The following GLI3 variants were observed in gnomAD, a reference collection of about 807,000 sequenced individuals.
GLI3 encodes transcription activator GLI3.
In GLI3, 20 loss-of-function variants were observed where a neutral mutation model predicts 100.8. The observed-to-expected ratio is 0.20, with a 90% CI of 0.14 to 0.29. GLI3 has a LOEUF of 0.29. GLI3 is among the 10% of genes least tolerant of loss of function. The pLI is 1.00. For missense variants in GLI3, 2,040 were observed against 2,128.5 expected (o/e 0.96, Z 0.82); for synonymous variants, 938 against 860.5 (o/e 1.09, Z -1.58).
At chr7:42,218,691 T>C (rs1426129922) in intron 2 of GLI3, among the ~76,000 whole-genome samples, 1 of 152,180 alleles carries the variant, frequency 6.6e-6, no homozygotes, top group Non-Finnish European at 1.5e-5. Flanking sequence ...GGAACTTCCT[T>C]TGCATCATTA....
At chr7:41,967,122 G>C (rs1787207285) in intron 14 of GLI3, among the ~76,000 whole-genome samples, 1 of 152,184 alleles carries the variant, frequency 6.6e-6, no homozygotes, top group Non-Finnish European at 1.5e-5. Context: ...CACCTGTGTT[G>C]GTGCAGGCAA....
At chr7:42,059,587 G>A (rs927333259) in intron 4 of GLI3, among the ~76,000 whole-genome samples, 1 of 152,150 alleles carries the variant, frequency 6.6e-6, no homozygotes, top group Non-Finnish European at 1.5e-5. Flanking sequence ...GTACCACCTT[G>A]ATGAGGAAAC....
Position 41,964,442 on chromosome 7 carries a change from G to C in GLI3, c.4631C>G (p.Ser1544Cys), listed in dbSNP as rs1478502813. 1 of 1,614,034 alleles carries C rather than the reference G, an allele frequency of 6.2e-7. No homozygotes were observed. The highest frequency in any genetic ancestry group is 1.3e-5 in the African/African-American group (1 of 74,940). Residue 1544 changes from serine to cysteine, a missense_variant, in exon 15 of 15, where the codon TCC becomes TGC. Transcript: ENST00000395925. ...SSSRLTTPRA[S>C]LPFPALSMST... ...CATGGACAGCGCTGGGAATGGGAGG[G>C]ACGCCCGAGGCGTGGTGAGGCGGGA...
chr7:42,225,724 C>T (rs1788569236), intron 1 of GLI3, among the ~76,000 whole-genome samples: 1 of 152,208 alleles, frequency 6.6e-6, no homozygotes, highest in African/African-American at 2.4e-5. Context: ...GAAGTCTTTG[C>T]TGACCTGATG....
At chr7:42,164,273 C>A (rs1172995933) in intron 2 of GLI3, among the ~76,000 whole-genome samples, 1 of 152,172 alleles carries the variant, frequency 6.6e-6, no homozygotes, top group African/African-American at 2.4e-5. Flanking sequence ...GTAATCCCAG[C>A]ACTTTGGGAG....
upstream of GLI3, among the ~76,000 whole-genome samples, chr7:42,240,810 G>A (rs1788916795): frequency 6.6e-6 from 1 of 152,168 alleles, no homozygotes; most frequent in African/African-American, 2.4e-5. Flanking sequence ...GCAAAAGATA[G>A]TGGGAGAGGA....
chr7:42,044,587 T>C (rs1308968941), intron 6 of GLI3, among the ~76,000 whole-genome samples: 1 of 152,112 alleles, frequency 6.6e-6, no homozygotes. Flanking sequence ...TTGGAAAAAG[T>C]TTTTATTTTT....
intron 2 of GLI3, among the ~76,000 whole-genome samples, chr7:42,208,173 TAAATAA>T (rs1788193164): frequency 6.6e-6 from 1 of 151,894 alleles, no homozygotes; most frequent in Non-Finnish European, 1.5e-5. Context: ...AATAAGTAGA[TAAATAA>T]AAATAAAAAT....
chr7:41,974,082 T>C (rs1787437142), intron 12 of GLI3, among the ~76,000 whole-genome samples: 1 of 152,156 alleles, frequency 6.6e-6, no homozygotes, highest in Non-Finnish European at 1.5e-5. Context: ...CTGGGATATA[T>C]GGGGCAGAGG....
chr7:41,990,032 A>G (rs2128717606), intron 10 of GLI3, among the ~76,000 whole-genome samples: 1 of 149,278 alleles, frequency 6.7e-6, no homozygotes, highest in South Asian at 2.1e-4. Flanking sequence ...TTATTTTCCT[A>G]TTAAAACTTT....
chr7:42,025,481 C>A, intron 8 of GLI3, 104 bp from the exon 9 acceptor site: 1 of 807,162 alleles, frequency 1.2e-6, no homozygotes, highest in Non-Finnish European at 2.1e-6. Flanking sequence ...TCTTATTTGG[C>A]TATAAAGCAA....
chr7:42,121,205 A>G (rs367659218), intron 3 of GLI3, among the ~76,000 whole-genome samples: 12 of 152,174 alleles, frequency 7.9e-5, no homozygotes, highest in Non-Finnish European at 1.2e-4. Context: ...ACTCCTTAAC[A>G]CAATGGTCTC....
At chr7:42,048,445 G>T in intron 5 of GLI3, 46 bp downstream of exon 5, 1 of 1,234,544 alleles carries the variant, frequency 8.1e-7, no homozygotes, top group Non-Finnish European at 1.2e-6. Context: ...GAGGAGCGGG[G>T]AGGAGGCTGC....
intron 12 of GLI3, among the ~76,000 whole-genome samples, chr7:41,976,791 A>G (rs934980277): frequency 1.1e-4 from 16 of 152,234 alleles, no homozygotes; most frequent in African/African-American, 3.9e-4. Context: ...CAGACAAGCC[A>G]GAATTTGAGC....
chr7:42,237,726 G>A (rs1215625262), upstream of GLI3: 1 of 152,212 alleles, frequency 6.6e-6, no homozygotes, highest in African/African-American at 2.4e-5. Context: ...CTGAGCAGCA[G>A]GACGCCTGCC....
intron 1 of GLI3, among the ~76,000 whole-genome samples, chr7:42,244,606 CA>C (rs1335839792): frequency 6.6e-6 from 1 of 151,992 alleles, no homozygotes; most frequent in Non-Finnish European, 1.5e-5. Flanking sequence ...TTGTATGGGC[CA>C]GGCAATTAAG....
At chr7:42,087,868 C>A (rs562068187) in intron 3 of GLI3, among the ~76,000 whole-genome samples, 1 of 152,120 alleles carries the variant, frequency 6.6e-6, no homozygotes, top group Non-Finnish European at 1.5e-5. Context: ...AAACTCTGAA[C>A]CCTCACTGTC....
At chr7:42,193,434 A>G (rs1297792263) in intron 2 of GLI3, among the ~76,000 whole-genome samples, 3 of 151,992 alleles carry the variant, frequency 2.0e-5, no homozygotes, top group African/African-American at 4.8e-5. Flanking sequence ...TCGGAAGGAC[A>G]CACCTTTGAT....
intron 7 of GLI3, among the ~76,000 whole-genome samples, chr7:42,029,362 C>A (rs1389523453): frequency 1.3e-5 from 2 of 152,214 alleles, no homozygotes; most frequent in Admixed American, 6.5e-5. Flanking sequence ...CAGAACACTG[C>A]CATCAGAGTG....
Sources: allele counts gnomAD v4.1 joint callset (sites outside exome capture counted in the v4.1 genomes callset), GRCh38; gene constraint gnomAD v4.1.1; transcripts MANE v1.5; gene names NCBI Gene and HGNC (gene_info 2026-07-23, HGNC 2026-07-21).